RBM5: variants seen among roughly 807,000 people sequenced by gnomAD.
RBM5 encodes RNA-binding protein 5.
RBM5 carries 15 observed loss-of-function variants against 124.6 expected under a neutral mutation model. That is an observed-to-expected ratio of 0.12 (90% CI 0.08 to 0.19). The LOEUF is 0.19. RBM5 is among the 10% of genes least tolerant of loss of function. The pLI is 1.00. For synonymous variants in RBM5, 337 were observed against 361.2 expected (o/e 0.93, Z 0.76); for missense variants, 580 against 1,026.5 (o/e 0.57, Z 5.94).
chr3:50,095,690 T>G (rs578152575), intron 4 of RBM5, among the ~76,000 whole-genome samples: 2 of 152,068 alleles, frequency 1.3e-5, no homozygotes, highest in South Asian at 4.2e-4. Context: ...CCTAAGGCAC[T>G]GTATTCATGA....
intron 21 of RBM5, 139 bp downstream of exon 21, chr3:50,115,746 A>G: frequency 8.1e-7 from 1 of 1,229,612 alleles, no homozygotes; most frequent in Non-Finnish European, 1.1e-6. Flanking sequence ...ATGACAGTGG[A>G]CGGAGTCTGG....
At position 50,117,925 on chromosome 3, in the gene RBM5, C is replaced by G. The variant is rs932308588; in HGVS notation, c.2323-406C>G. ...AGCTCCACCCGTAATTGCCCCTGCT[C>G]TGTCCTGGGAGCACAGCTTAGGTCA... is the stretch of plus-strand genomic sequence containing the variant. On this transcript the variant is annotated intron_variant, in intron 24 of 24. Transcript: ENST00000347869. The surrounding 1 kb of genome is among the most constrained non-coding windows in gnomAD (Gnocchi z 4.2). 4.1e-5 allele frequency: 8 copies of G among 193,056 alleles called. No homozygotes were observed. Among genetic ancestry groups the G allele is most frequent in the Non-Finnish European group, 7.5e-5 (7 of 92,814 alleles). The allele number at this position is 193,056 out of a possible 1,614,324, so 12.0% of individuals were successfully genotyped here. A position where few individuals can be genotyped will look rare whatever the true frequency, so the allele number is the denominator to read the frequency against.
At position 50,104,436 on chromosome 3, in the gene RBM5, A is replaced by G. The variant is rs573743858; in HGVS notation, c.628+128A>G. The G allele has an allele frequency of 2.6e-4, 221 of 861,704 alleles. 2 individuals carry two copies. In the Middle Eastern group the frequency reaches 7.3e-3, roughly 28 times the overall value. The allele number at this position is 861,704 out of a possible 1,614,324, so 53.4% of individuals were successfully genotyped here. A position where few individuals can be genotyped will look rare whatever the true frequency, so the allele number is the denominator to read the frequency against. On this transcript the variant is annotated intron_variant, in intron 8 of 24. Coordinates refer to ENST00000347869, the MANE Select transcript of RBM5 (RefSeq NM_005778.4). ...GAAGATCACTTGAGGACAGGAGTTC[A>G]ATACCAGCCTGGCAAGAGATAGCAA...
At chr3:50,114,285 A>G (rs1186669420) in intron 20 of RBM5, 34 bp downstream of exon 20, 11 of 1,573,896 alleles carry the variant, frequency 7.0e-6, no homozygotes, top group Admixed American at 6.2e-5. Flanking sequence ...TAAAGACCCT[A>G]TCTGTGGTTT....
intron 4 of RBM5, among the ~76,000 whole-genome samples, chr3:50,094,650 AT>A (rs1296681124): frequency 1.3e-5 from 2 of 152,008 alleles, no homozygotes; most frequent in African/African-American, 4.8e-5. Flanking sequence ...CAGCTAATTT[AT>A]TTTTTGTAGA....
rs2091267640 is a variant in RBM5 at position 50,117,116 on chromosome 3, G to A, written c.2137G>A (p.Gly713Ser). ...AGCTGCAGAAAGACGGGAGAAGTAC[G>A]GCATTCCAGAACCTCCAGAGCCCAA... ...DRAAERREKY[G>S]IPEPPEPKRK... is the part of the protein sequence containing the mutation. The change falls in exon 23 of 25, where the codon GGC becomes AGC. Residue 713 changes from glycine (G) to serine (S), a missense_variant. By Grantham distance (56) the Gly-to-Ser change is moderately conservative (BLOSUM62 0). Around this residue, in one of 6 missense-constraint regions of RBM5, gnomAD observed 234 missense variants for 435.1 expected, o/e 0.54. Coordinates refer to ENST00000347869, the MANE Select transcript of RBM5 (RefSeq NM_005778.4). The surrounding 1 kb of genome is among the most constrained non-coding windows in gnomAD (Gnocchi z 4.2). 1.2e-6 allele frequency: 2 copies of A among 1,614,020 alleles called. No homozygotes were observed. The highest frequency in any genetic ancestry group is 1.7e-6 in the Non-Finnish European group (2 of 1,180,036).
rs1688786032 is a variant in RBM5 at position 50,117,346 on chromosome 3, A to G, written c.2289A>G (p.Gly763=). The G allele has an allele frequency of 6.2e-7, 1 of 1,614,064 alleles. No homozygotes were observed. Among genetic ancestry groups the G allele is most frequent in the African/African-American group, 1.3e-5 (1 of 74,928 alleles). ...AMGWREGSGL[G]RKCQGITAPI... ...GCTGGCGGGAAGGCTCTGGCTTGGGACGAAAGTGTCAAGGCATTACGGCTC... is the reference window on the plus strand; with the variant it reads ...GCTGGCGGGAAGGCTCTGGCTTGGGGCGAAAGTGTCAAGGCATTACGGCTC... Residue 763 remains glycine, a synonymous_variant, in exon 24 of 25, where the codon GGA becomes GGG. Transcript: ENST00000347869. The surrounding 1 kb of genome is among the most constrained non-coding windows in gnomAD (Gnocchi z 4.2).
intron 4 of RBM5, among the ~76,000 whole-genome samples, chr3:50,095,040 A>G (rs1357577560): frequency 6.6e-6 from 1 of 152,166 alleles, no homozygotes; most frequent in South Asian, 2.1e-4. Context: ...TCTACTAAAA[A>G]TACAAGAATT....
chr3:50,092,250 G>T (rs1254712687), intron 3 of RBM5, 42 bp downstream of exon 3: 5 of 1,584,652 alleles, frequency 3.2e-6, no homozygotes, highest in Non-Finnish European at 4.3e-6. Context: ...AACACTCTGA[G>T]CCTTATAGTA....
intron 21 of RBM5, 119 bp downstream of exon 21, chr3:50,115,726 G>T: frequency 7.6e-7 from 1 of 1,317,086 alleles, no homozygotes; most frequent in South Asian, 1.4e-5. Context: ...CTTACAGAAA[G>T]CTGTTCCCGA....
chr3:50,090,507 C>T (rs2108982004), intron 2 of RBM5, 56 bp downstream of exon 2: 1 of 1,586,682 alleles, frequency 6.3e-7, no homozygotes, highest in African/African-American at 1.4e-5. Context: ...GACTGAACTC[C>T]TTGTTTAAAA....
intron 1 of RBM5, among the ~76,000 whole-genome samples, chr3:50,089,299 A>G (rs987914183): frequency 2.0e-5 from 3 of 152,156 alleles, no homozygotes; most frequent in Admixed American, 1.3e-4. Context: ...CTTCAGCCCA[A>G]CGGAGCAGTG....
chr3:50,116,712 T>C (rs747590919), intron 22 of RBM5: 1 of 303,242 alleles, frequency 3.3e-6, no homozygotes, highest in South Asian at 3.1e-5. Context: ...TTTCCAAATG[T>C]TGGAGGTATG....
Position 50,117,602 on chromosome 3 carries a change from G to GA in RBM5, c.2322+226dup, listed in dbSNP as rs1575342993. 22 of 490,178 alleles carry GA rather than the reference G, an allele frequency of 4.5e-5. No homozygotes were observed. In the East Asian group the frequency reaches 7.7e-4, roughly 17 times the overall value. 30.4% of individuals were successfully genotyped at this position (490,178 alleles called of 1,614,324 possible). A position where few individuals can be genotyped will look rare whatever the true frequency, so the allele number is the denominator to read the frequency against. ...TTGAGACCAGCCTGGGCAACACGGT[G>GA]AAACCCCGTCTCTACTAAAATACAA... On this transcript the variant is annotated intron_variant, in intron 24 of 24. Coordinates refer to ENST00000347869, the MANE Select transcript of RBM5 (RefSeq NM_005778.4). The surrounding 1 kb of genome is among the most constrained non-coding windows in gnomAD (Gnocchi z 4.2).
intron 8 of RBM5, 164 bp from the exon 9 acceptor site, chr3:50,104,913 A>G (rs2091001452): frequency 1.8e-6 from 1 of 562,960 alleles, no homozygotes; most frequent in African/African-American, 1.9e-5. Flanking sequence ...TTCTGCGTTA[A>G]CCAAGTCACA....
At chr3:50,114,638 A>G (rs2091209186) in intron 20 of RBM5, 1 of 189,588 alleles carries the variant, frequency 5.3e-6, no homozygotes, top group Non-Finnish European at 1.1e-5. Context: ...TGGTTTGAAA[A>G]TAGTCACTCA....
chr3:50,100,405 C>A lies in RBM5; in HGVS notation c.410-127C>A. ...TATCAAGAAGATCCCCAAGTCAAGTCACATTTGTAAAGCTGCTTCCCAATT... is the reference window on the plus strand; with the variant it reads ...TATCAAGAAGATCCCCAAGTCAAGTAACATTTGTAAAGCTGCTTCCCAATT... On this transcript the variant is annotated intron_variant, in intron 5 of 24. Coordinates refer to ENST00000347869, the MANE Select transcript of RBM5 (RefSeq NM_005778.4). This position sits in a 1 kb window ranked among gnomAD's most constrained non-coding sequence, Gnocchi z 5.1. The A allele has an allele frequency of 1.3e-6, 1 of 781,500 alleles. No homozygotes were observed. The highest frequency in any genetic ancestry group is 2.1e-6 in the Non-Finnish European group (1 of 479,684). The allele number at this position is 781,500 out of a possible 1,614,324, so 48.4% of individuals were successfully genotyped here.
At position 50,092,943 on chromosome 3, in the gene RBM5, C is replaced by CTTTTTT. The variant is rs530934301; in HGVS notation, c.184-754_184-749dup. The CTTTTTT allele has an allele frequency of 3.2e-4, 25 of 79,222 alleles. 2 individuals are homozygous for CTTTTTT. The highest frequency in any genetic ancestry group is 3.8e-4 in the African/African-American group (5 of 13,138). The allele number at this position is 79,222 out of a possible 1,614,324, so 4.9% of individuals were successfully genotyped here. A position where few individuals can be genotyped will look rare whatever the true frequency, so the allele number is the denominator to read the frequency against. ...TGTTGTTTTGGTCATCTTGATATAT[C>CTTTTTT]TTTTTTTTTTTTTTTTTTTTTTTTT... is the stretch of plus-strand genomic sequence containing the variant. On this transcript the variant is annotated intron_variant, in intron 3 of 24. Transcript: ENST00000347869.
intron 2 of RBM5, 40 bp downstream of exon 2, chr3:50,090,491 A>C (rs768707722): frequency 3.0e-5 from 48 of 1,609,474 alleles, no homozygotes; most frequent in Middle Eastern, 1.6e-4. Flanking sequence ...TCAACATTTC[A>C]GTGGGGACTG....
Sources: allele counts gnomAD v4.1 joint callset (sites outside exome capture counted in the v4.1 genomes callset), GRCh38; gene constraint gnomAD v4.1.1; regional missense constraint gnomAD v4.1.1; non-coding constraint Gnocchi (gnomAD v3.1); transcripts MANE v1.5; gene names NCBI Gene and HGNC (gene_info 2026-07-23, HGNC 2026-07-21).